Variants in EFCAB5 observed in about 807,000 individuals in gnomAD.
EFCAB5 encodes the protein EF-hand calcium binding domain 5, also known as EF-hand calcium-binding domain-containing protein 5.
In EFCAB5, 131 loss-of-function variants were observed where a neutral mutation model predicts 167.9. The ratio of observed to expected loss-of-function variants is 0.78; its 90% confidence interval spans 0.68 to 0.90. The LOEUF is 0.90. Ranked by LOEUF, EFCAB5 falls within the 40% of genes least tolerant of loss-of-function variation. The pLI is 0.00. For synonymous variants in EFCAB5, 574 were observed against 602.8 expected (o/e 0.95, Z 0.70); for missense variants, 1,663 against 1,745.2 (o/e 0.95, Z 0.84).
chr17:30,070,423 C>G (rs1380024970), intron 14 of EFCAB5, among the ~76,000 whole-genome samples: 1 of 152,128 alleles, frequency 6.6e-6, no homozygotes, highest in Non-Finnish European at 1.5e-5. Context: ...AGGCATCACA[C>G]TATCAGACTT....
chr17:30,094,507 C>CAAAA (rs57885339), intron 22 of EFCAB5, among the ~76,000 whole-genome samples: 47 of 40,712 alleles, frequency 1.2e-3, no homozygotes, highest in South Asian at 3.1e-3. Flanking sequence ...CTTGTCTCTC[C>CAAAA]AAAAAAAAAA....
chr17:29,941,850 A>T lies in EFCAB5; in HGVS notation c.42+12A>T. The T allele has an allele frequency of 6.3e-7, 1 of 1,598,362 alleles. No homozygotes were observed. The highest frequency in any genetic ancestry group is 1.7e-5 in the Admixed American group (1 of 58,172). ...TCAGACCTGCTCAGGTTCTTGTCCT[A>T]CATAGGTTTATCACATTTATGGGAA... On this transcript the variant is annotated intron_variant, in intron 1 of 22. Transcript: ENST00000394835.
chr17:30,054,461 G>A (rs1283877730), intron 10 of EFCAB5, among the ~76,000 whole-genome samples: 1 of 152,134 alleles, frequency 6.6e-6, no homozygotes, highest in Non-Finnish European at 1.5e-5. Flanking sequence ...TAAATGTAAT[G>A]TCTGATATTA....
intron 19 of EFCAB5, among the ~76,000 whole-genome samples, chr17:30,090,151 A>T (rs1347821545): frequency 6.6e-6 from 1 of 152,222 alleles, no homozygotes; most frequent in African/African-American, 2.4e-5. Flanking sequence ...GAAGCAAAGT[A>T]TCATGATGGA....
intron 14 of EFCAB5, chr17:30,069,244 G>C: frequency 6.5e-7 from 1 of 1,535,780 alleles, no homozygotes; most frequent in Non-Finnish European, 9.0e-7. Flanking sequence ...ATCCAGAAAA[G>C]ATTTTGACTG....
intron 3 of EFCAB5, among the ~76,000 whole-genome samples, chr17:29,950,845 T>C (rs905415676): frequency 6.6e-6 from 1 of 152,164 alleles, no homozygotes; most frequent in Admixed American, 6.6e-5. Flanking sequence ...AGTTGAAAGT[T>C]ATACATAGGT....
intron 21 of EFCAB5, among the ~76,000 whole-genome samples, chr17:30,092,512 C>T (rs1174701610): frequency 1.3e-5 from 2 of 152,088 alleles, no homozygotes; most frequent in Non-Finnish European, 2.9e-5. Context: ...CTCAGCCTCT[C>T]GAGTAGCTGG....
chr17:30,078,324 T>C lies in EFCAB5; in HGVS notation c.2847T>C (p.Asn949=). ...IELVVSELRG[N]EDQVLESVVE... ...TGGTTGTGTCTGAACTCAGGGGCAATGAAGACCAAGTTCTGGAAAGTGTTG... is the reference window on the plus strand; with the variant it reads ...TGGTTGTGTCTGAACTCAGGGGCAACGAAGACCAAGTTCTGGAAAGTGTTG... The change falls in exon 15 of 23, where the codon AAT becomes AAC. Residue 949 remains asparagine (N), a synonymous_variant. Coordinates refer to ENST00000394835, the MANE Select transcript of EFCAB5 (RefSeq NM_198529.4). 6.2e-7 allele frequency: 1 copy of C among 1,614,006 alleles called. No individual in the cohort carries two copies. Among genetic ancestry groups the C allele is most frequent in the Middle Eastern group, 1.6e-4 (1 of 6,062 alleles).
intron 10 of EFCAB5, among the ~76,000 whole-genome samples, chr17:30,055,373 G>GAAGA (rs2070229149): frequency 1.3e-5 from 2 of 151,482 alleles, no homozygotes; most frequent in South Asian, 4.2e-4. Flanking sequence ...AGGAAGGAAG[G>GAAGA]AAGGAAGGAA....
chr17:30,023,092 T>C (rs1167285557), intron 7 of EFCAB5, among the ~76,000 whole-genome samples: 2 of 151,206 alleles, frequency 1.3e-5, no homozygotes, highest in Admixed American at 6.6e-5. Flanking sequence ...AGATCCAAAA[T>C]TGACACCCTA....
At chr17:30,057,994 C>A in intron 13 of EFCAB5, 104 bp downstream of exon 13, 1 of 962,912 alleles carries the variant, frequency 1.0e-6, no homozygotes, top group Non-Finnish European at 1.5e-6. Context: ...AATGTACAAC[C>A]AAACTGATCA....
At chr17:29,957,770 A>G (rs577517522) in intron 3 of EFCAB5, among the ~76,000 whole-genome samples, 1 of 152,304 alleles carries the variant, frequency 6.6e-6, no homozygotes, top group East Asian at 1.9e-4. Context: ...TGCTATTGAG[A>G]ATAGAGCTGT....
intron 12 of EFCAB5, among the ~76,000 whole-genome samples, chr17:30,056,778 T>G (rs1236345124): frequency 6.6e-6 from 1 of 152,272 alleles, no homozygotes; most frequent in Non-Finnish European, 1.5e-5. Flanking sequence ...TTCTCTCATT[T>G]AAGCCTCAAA....
At chr17:30,001,477 A>AT (rs1035414612) in intron 7 of EFCAB5, among the ~76,000 whole-genome samples, 50 of 152,168 alleles carry the variant, frequency 3.3e-4, no homozygotes, top group African/African-American at 1.1e-3. Context: ...ACATTTTCCT[A>AT]TTTTTTTCAT....
intron 7 of EFCAB5, among the ~76,000 whole-genome samples, chr17:30,024,397 AAGAG>A (rs1027435084): frequency 6.6e-6 from 1 of 152,118 alleles, no homozygotes; most frequent in Non-Finnish European, 1.5e-5. Flanking sequence ...AACAGACAAA[AAGAG>A]AGCCAAATCA....
At chr17:30,018,461 T>A (rs1372233197) in intron 7 of EFCAB5, among the ~76,000 whole-genome samples, 1 of 152,120 alleles carries the variant, frequency 6.6e-6, no homozygotes, top group Non-Finnish European at 1.5e-5. Flanking sequence ...TGATTTTTAT[T>A]GTTTTTTTTT....
At position 30,053,597 on chromosome 17, in the gene EFCAB5, C is replaced by T. The variant is rs1278768988; in HGVS notation, c.1643C>T (p.Thr548Ile). The T allele has an allele frequency of 1.9e-6, 3 of 1,613,826 alleles. No individual in the cohort carries two copies. The highest frequency in any genetic ancestry group is 1.3e-5 in the African/African-American group (1 of 74,910). ...LYIESVIEPGTHTESTLEQGS... is the reference protein window; with the variant it reads ...LYIESVIEPGIHTESTLEQGS... Reference sequence around the variant, plus strand: ...ATAGAATCAGTAATAGAACCAGGAACACACACAGAGTCAACTCTAGAACAA... The same window carrying T: ...ATAGAATCAGTAATAGAACCAGGAATACACACAGAGTCAACTCTAGAACAA... Residue 548 changes from threonine to isoleucine, a missense_variant, in exon 10 of 23, where the codon ACA (threonine) becomes ATA (isoleucine). Transcript: ENST00000394835.
At chr17:29,961,087 C>T (rs1442068764) in intron 3 of EFCAB5, among the ~76,000 whole-genome samples, 1 of 152,154 alleles carries the variant, frequency 6.6e-6, no homozygotes, top group Non-Finnish European at 1.5e-5. Context: ...GTTCCAATTT[C>T]TGTACATTCT....
rs533831309 is a variant in EFCAB5, at chr17:30,084,387, C to A, written c.3579+1344C>A. 9.9e-5 allele frequency among the ~76,000 whole-genome samples: 15 copies of A among 152,278 alleles called. 1 individual carries two copies. Among genetic ancestry groups the A allele is most frequent in the Admixed American group, 5.2e-4 (8 of 15,294 alleles). On this transcript the variant is annotated intron_variant, in intron 18 of 22. Coordinates refer to ENST00000394835, the MANE Select transcript of EFCAB5 (RefSeq NM_198529.4). ...ATCGTCAGGGCCTTAAGAGAAACAACACATAGGGCACCATGGAAAAGCCAA... is the reference window on the plus strand; with the variant it reads ...ATCGTCAGGGCCTTAAGAGAAACAAAACATAGGGCACCATGGAAAAGCCAA...
Sources: gnomAD v4.1 joint callset for allele counts (sites outside exome capture counted in the v4.1 genomes callset) on GRCh38, gnomAD v4.1.1 for gene constraint, MANE v1.5 for transcripts, NCBI Gene and HGNC (gene_info 2026-07-23, HGNC 2026-07-21) for gene names.